Variants in LRRC45 observed in about 807,000 individuals in gnomAD.
LRRC45 encodes the protein leucine rich repeat containing 45.
LRRC45 carries 73 observed loss-of-function variants against 85.4 expected under a neutral mutation model. The observed-to-expected ratio is 0.85, with a 90% CI of 0.71 to 1.04. LRRC45 has a LOEUF of 1.04. Among genes scored for constraint, LRRC45 ranks in the 50% least tolerant of loss-of-function variants. The pLI is 0.00. For synonymous variants in LRRC45, 429 were observed against 386.0 expected (o/e 1.11, Z -1.31); for missense variants, 937 against 883.3 (o/e 1.06, Z -0.77).
In LRRC45 at chr17:82,025,045, C is replaced by A; in HGVS notation, c.399C>A (p.Phe133Leu). 1 of 1,606,054 alleles carries A rather than the reference C, an allele frequency of 6.2e-7. No individual in the cohort carries two copies. The highest frequency in any genetic ancestry group is 8.5e-7 in the Non-Finnish European group (1 of 1,176,872). ...WNSLGTWDDAFATFCGGLAAN... is the reference protein window; with the variant it reads ...WNSLGTWDDALATFCGGLAAN... ...GCCTGGGCACGTGGGACGATGCCTT[C>A]GCCACCTTCTGCGGGGGCCTGGCGG... Residue 133 changes from phenylalanine (F) to leucine (L), a missense_variant, in exon 4 of 17, where the codon TTC becomes TTA. Phe to Leu is a conservative substitution (Grantham distance 22). Transcript: ENST00000306688.
rs376877514 is a variant in LRRC45, at chr17:82,028,383, G to T, written c.1126-14G>T. The T allele has an allele frequency of 1.3e-5, 21 of 1,611,780 alleles. No homozygotes were observed. The highest frequency in any genetic ancestry group is 1.5e-5 in the Non-Finnish European group (18 of 1,179,746). On this transcript the variant is annotated splice_polypyrimidine_tract_variant and intron_variant, in intron 10 of 16. Coordinates refer to ENST00000306688, the MANE Select transcript of LRRC45 (RefSeq NM_144999.4). ...GGCTGGGCTGCAGCTTCCCTCCCTGGTGCCGGCTTTCAGGTAGACGAGTTG... is the reference window on the plus strand; with the variant it reads ...GGCTGGGCTGCAGCTTCCCTCCCTGTTGCCGGCTTTCAGGTAGACGAGTTG...
chr17:82,026,818 G>A, intron 5 of LRRC45, 81 bp from the exon 6 acceptor site: 1 of 1,112,432 alleles, frequency 9.0e-7, no homozygotes, highest in South Asian at 1.3e-5. Context: ...GACCTCAGGT[G>A]ATCCACCCAC....
chr17:82,025,114 C>T lies in LRRC45; in HGVS notation c.468C>T (p.Ile156=). The change falls in exon 4 of 17, where the codon ATC becomes ATT. Residue 156 remains isoleucine, a synonymous_variant. Coordinates refer to ENST00000306688, the MANE Select transcript of LRRC45 (RefSeq NM_144999.4). ...LQRLDLRNNQ[I]SHKGAEELAL... is the part of the protein sequence containing the mutation. The stretch of plus-strand genomic sequence containing the variant: ...GGCTGGACCTCCGCAACAACCAGAT[C>T]AGTCACAAGGGCGCGGAGGAGCTGG... 2 of 1,611,466 alleles carry T rather than the reference C, an allele frequency of 1.2e-6. No homozygotes were observed. Among genetic ancestry groups the T allele is most frequent in the Non-Finnish European group, 1.7e-6 (2 of 1,179,382 alleles).
chr17:82,029,686 T>C (rs1184735786), intron 14 of LRRC45, 51 bp downstream of exon 14: 1 of 1,512,200 alleles, frequency 6.6e-7, no homozygotes, highest in Admixed American at 2.0e-5. Context: ...TGCCCGGCAT[T>C]GCGGCCCGCA....
chr17:82,027,506 A>T, intron 7 of LRRC45, 62 bp downstream of exon 7: 1 of 1,605,580 alleles, frequency 6.2e-7, no homozygotes, highest in South Asian at 1.1e-5. Flanking sequence ...GCTCAGACTC[A>T]GATGGGACCA....
rs770134622 is a variant in LRRC45 at position 82,030,745 on chromosome 17, G to T, written c.1953G>T (p.Gln651His). 2.7e-6 allele frequency: 4 copies of T among 1,477,298 alleles called. No homozygotes were observed. In the South Asian group the frequency reaches 5.4e-5, roughly 20 times the overall value. 91.5% of individuals were successfully genotyped at this position (1,477,298 alleles called of 1,614,324 possible). A position where few individuals can be genotyped will look rare whatever the true frequency, so the allele number is the denominator to read the frequency against. ...AGGCCCAGAGGGCGAGCTTCCTGCA[G>T]AACGCCGTCCTGGCTTACGTGCAGG... is the stretch of plus-strand genomic sequence containing the variant. ...DEEAQRASFL[Q>H]NAVLAYVQAS... Residue 651 changes from glutamine (Q) to histidine (H), a missense_variant, in exon 17 of 17, where the codon CAG (glutamine) becomes CAT (histidine). Coordinates refer to ENST00000306688, the MANE Select transcript of LRRC45 (RefSeq NM_144999.4).
In LRRC45 at chr17:82,029,116, G is replaced by A. The variant is rs762558099; in HGVS notation, c.1332G>A (p.Leu444=). 6.2e-7 allele frequency: 1 copy of A among 1,612,700 alleles called. No homozygotes were observed. The highest frequency in any genetic ancestry group is 1.3e-5 in the African/African-American group (1 of 75,072). Residue 444 remains leucine (L), a synonymous_variant, in exon 13 of 17, where the codon CTG becomes CTA. Transcript: ENST00000306688. Reference sequence around the variant, plus strand: ...AGGTGGAGCATATGACCCGTCACCTGGAGGAGAGTGAGAAGGCCATGCAGG... The same window carrying A: ...AGGTGGAGCATATGACCCGTCACCTAGAGGAGAGTGAGAAGGCCATGCAGG... ...IKEVEHMTRH[L]EESEKAMQER... is the part of the protein sequence containing the mutation.
chr17:82,024,809 G>A (rs1253092059), intron 3 of LRRC45, 46 bp downstream of exon 3: 1 of 1,546,040 alleles, frequency 6.5e-7, no homozygotes, highest in East Asian at 2.3e-5. Context: ...TGTGGTTGAG[G>A]ATTGGCCCCG....
chr17:82,028,220 C>G lies in LRRC45; in HGVS notation c.1048-14C>G, dbSNP rs752706446. On this transcript the variant is annotated splice_polypyrimidine_tract_variant and intron_variant, in intron 9 of 16. Coordinates refer to ENST00000306688, the MANE Select transcript of LRRC45 (RefSeq NM_144999.4). ...TTCGTGACCCTCACTACCCATACCCCGTTCCCCTCCCAGGAAGCTGCAGAG... is the reference window on the plus strand; with the variant it reads ...TTCGTGACCCTCACTACCCATACCCGGTTCCCCTCCCAGGAAGCTGCAGAG... 5.7e-6 allele frequency: 9 copies of G among 1,566,338 alleles called. No individual in the cohort carries two copies. In the South Asian group the frequency reaches 9.3e-5, roughly 16 times the overall value.
At chr17:82,027,962 G>C (rs1470334312) in intron 8 of LRRC45, 49 bp from the exon 9 acceptor site, 6 of 1,559,374 alleles carry the variant, frequency 3.8e-6, no homozygotes, top group Non-Finnish European at 5.2e-6. Flanking sequence ...CCTTTATAAG[G>C]CAAGTGAAAC....
chr17:82,025,175 C>T lies in LRRC45; in HGVS notation c.529C>T (p.Leu177=), dbSNP rs765902521. 2.5e-5 allele frequency: 39 copies of T among 1,591,518 alleles called. No individual in the cohort carries two copies. Among genetic ancestry groups the T allele is most frequent in the Non-Finnish European group, 3.3e-5 (39 of 1,167,696 alleles). ...ALKGNTTLQQ[L]DLRWNNVGLL... ...GAAGGGCAACACCACCCTCCAGCAGCTGGGTGAGGCCTCCCAGGCGCCCTC... is the reference window on the plus strand; with the variant it reads ...GAAGGGCAACACCACCCTCCAGCAGTTGGGTGAGGCCTCCCAGGCGCCCTC... The change falls in exon 4 of 17, where the codon CTG becomes TTG. Residue 177 remains leucine, a synonymous_variant. Transcript: ENST00000306688.
In LRRC45 at chr17:82,023,633, C is replaced by A; in HGVS notation, c.-11C>A. The A allele has an allele frequency of 1.3e-6, 2 of 1,520,628 alleles. No homozygotes were observed. The highest frequency in any genetic ancestry group is 2.4e-5 in the South Asian group (2 of 82,886). 94.2% of individuals were successfully genotyped at this position (1,520,628 alleles called of 1,614,324 possible). A position where few individuals can be genotyped will look rare whatever the true frequency, so the allele number is the denominator to read the frequency against. Reference sequence around the variant, plus strand: ...GAGCATGCGGAGGAGGCCCTGCCGGCCCCGCGGGTCATGGAGGAGTTCCGG... The same window carrying A: ...GAGCATGCGGAGGAGGCCCTGCCGGACCCGCGGGTCATGGAGGAGTTCCGG... On this transcript the variant is annotated 5_prime_UTR_variant, in exon 1 of 17. Coordinates refer to ENST00000306688, the MANE Select transcript of LRRC45 (RefSeq NM_144999.4).
rs368338209 is a variant in LRRC45 at position 82,028,462 on chromosome 17, G to T, written c.1191G>T (p.Met397Ile). 7 of 1,612,548 alleles carry T rather than the reference G, an allele frequency of 4.3e-6. No individual in the cohort carries two copies. The African/African-American group carries it at 9.3e-5, about 22-fold the overall frequency. ...QEQLFQTRQE[M>I]TSMSAELKMR... ...AGCTGTTCCAGACCAGGCAGGAGATGACCAGCATGTCAGCTGAGCTGAAGA... is the reference window on the plus strand; with the variant it reads ...AGCTGTTCCAGACCAGGCAGGAGATTACCAGCATGTCAGCTGAGCTGAAGA... The change falls in exon 11 of 17, where the codon ATG becomes ATT. Residue 397 changes from methionine (M) to isoleucine (I), a missense_variant. Physicochemically the swap from Met to Ile is conservative, Grantham distance 10. Coordinates refer to ENST00000306688, the MANE Select transcript of LRRC45 (RefSeq NM_144999.4).
chr17:82,028,634 G>A lies in LRRC45; in HGVS notation c.1259G>A (p.Arg420Lys), dbSNP rs202210266. The change falls in exon 12 of 17, where the codon AGA becomes AAA. Residue 420 changes from arginine (R) to lysine (K), a missense_variant. Coordinates refer to ENST00000306688, the MANE Select transcript of LRRC45 (RefSeq NM_144999.4). ...QAEERLDMEK[R>K]RCRQSLEDSE... is the part of the protein sequence containing the mutation. ...CCAGAGCGCCTGGACATGGAGAAGA[G>A]AAGATGCAGACAGAGCCTGGAGGAC... 3.7e-6 allele frequency: 6 copies of A among 1,612,824 alleles called. No individual in the cohort carries two copies. The highest frequency in any genetic ancestry group is 5.1e-6 in the Non-Finnish European group (6 of 1,179,962).
chr17:82,030,956 C>T lies in LRRC45; in HGVS notation c.*151C>T. On this transcript the variant is annotated 3_prime_UTR_variant, in exon 17 of 17. Coordinates refer to ENST00000306688, the MANE Select transcript of LRRC45 (RefSeq NM_144999.4). ...GCGACTGTTGGTGGTGTCGCGGCTGCGGGGGAACCCCGTGGGAGGCGCCTG... is the reference window on the plus strand; with the variant it reads ...GCGACTGTTGGTGGTGTCGCGGCTGTGGGGGAACCCCGTGGGAGGCGCCTG... The T allele has an allele frequency of 1.8e-6, 1 of 551,618 alleles. No homozygotes were observed. Among genetic ancestry groups the T allele is most frequent in the East Asian group, 3.5e-5 (1 of 28,654 alleles). 34.2% of individuals were successfully genotyped at this position (551,618 alleles called of 1,614,324 possible). A position where few individuals can be genotyped will look rare whatever the true frequency, so the allele number is the denominator to read the frequency against.
rs1307828966 is a variant in LRRC45, at chr17:82,031,134, C to T, written c.*329C>T. On this transcript the variant is annotated 3_prime_UTR_variant, in exon 17 of 17. Coordinates refer to ENST00000306688, the MANE Select transcript of LRRC45 (RefSeq NM_144999.4). ...CGCGGCGGGGTTTGGAAATACAGCGCGTTTGCACTTTGTGATACATTCTGG... is the reference window on the plus strand; with the variant it reads ...CGCGGCGGGGTTTGGAAATACAGCGTGTTTGCACTTTGTGATACATTCTGG... 9.9e-6 allele frequency: 3 copies of T among 303,530 alleles called. No homozygotes were observed. The highest frequency in any genetic ancestry group is 4.9e-5 in the East Asian group (1 of 20,288). 18.8% of individuals were successfully genotyped at this position (303,530 alleles called of 1,614,324 possible).
In LRRC45 at chr17:82,027,408, T is replaced by C. The variant is rs150139842; in HGVS notation, c.797T>C (p.Ile266Thr). 6.1e-4 allele frequency: 991 copies of C among 1,612,666 alleles called. 1 individual carries two copies. The highest frequency in any genetic ancestry group is 7.5e-4 in the Non-Finnish European group (887 of 1,179,950). The part of the protein sequence containing the change: ...SKQFLDLMET[I>T]DKQREEMAKS... ...CAGTTCCTCGACTTGATGGAGACTA[T>C]TGATAAGCAGCGAGAAGAGATGGCC... is the stretch of plus-strand genomic sequence containing the variant. Residue 266 changes from isoleucine (I) to threonine (T), a missense_variant, in exon 7 of 17, where the codon ATT becomes ACT. Physicochemically the swap from Ile to Thr is moderately conservative, Grantham distance 89. Transcript: ENST00000306688.
In LRRC45 at chr17:82,028,503, C is replaced by G. The variant is rs755333858; in HGVS notation, c.1232C>G (p.Ala411Gly). 1 of 1,612,352 alleles carries G rather than the reference C, an allele frequency of 6.2e-7. No homozygotes were observed. Among genetic ancestry groups the G allele is most frequent in the Non-Finnish European group, 8.5e-7 (1 of 1,179,812 alleles). ...SAELKMRAIQAEERLDMEKRR... is the reference protein window; with the variant it reads ...SAELKMRAIQGEERLDMEKRR... ...GAGCTGAAGATGCGGGCCATCCAGG[C>G]CGAGGGTGGGCACGGGCAGGCCTGC... Residue 411 changes from alanine to glycine, a missense_variant, in exon 11 of 17, where the codon GCC becomes GGC. Coordinates refer to ENST00000306688, the MANE Select transcript of LRRC45 (RefSeq NM_144999.4).
intron 5 of LRRC45, among the ~76,000 whole-genome samples, chr17:82,025,957 C>T (rs1394332823): frequency 2.0e-5 from 3 of 152,302 alleles, no homozygotes; most frequent in East Asian, 1.9e-4. Context: ...CCACCAGCGA[C>T]CCCGAATCCT....
Sources: allele counts gnomAD v4.1 joint callset (sites outside exome capture counted in the v4.1 genomes callset), GRCh38; gene constraint gnomAD v4.1.1; transcripts MANE v1.5; gene names NCBI Gene and HGNC (gene_info 2026-07-23, HGNC 2026-07-21).